Variants in DPP8 observed in about 807,000 individuals in gnomAD.
DPP8 encodes DPP VIII.
DPP8 carries 31 observed loss-of-function variants against 107.5 expected under a neutral mutation model. The ratio of observed to expected loss-of-function variants is 0.29; its 90% CI spans 0.22 to 0.39. The LOEUF is 0.39. Ranked by LOEUF, DPP8 falls within the 10% of genes least tolerant of loss-of-function variation. DPP8 has a pLI of 1.00. For missense variants in DPP8, 842 were observed against 1,076.1 expected, an observed-to-expected ratio of 0.78 and a Z score of 3.04; for synonymous variants, 381 against 356.6, an observed-to-expected ratio of 1.07 and a Z score of -0.77.
chr15:65,500,021 G>T (rs771139580), intron 4 of DPP8, among the ~76,000 whole-genome samples: 1 of 152,140 alleles, frequency 6.6e-6, no homozygotes, highest in Non-Finnish European at 1.5e-5. Context: ...TCAGACTCCT[G>T]AGTATCTGGG....
chr15:65,479,082 T>C, intron 10 of DPP8, 43 bp from the exon 11 acceptor site: 1 of 1,342,466 alleles, frequency 7.4e-7, no homozygotes, highest in Non-Finnish European at 1.0e-6. Flanking sequence ...ATTATGAAAA[T>C]ACTACATAAT....
At chr15:65,456,804 A>G (rs749723604) in intron 15 of DPP8, among the ~76,000 whole-genome samples, 1 of 152,126 alleles carries the variant, frequency 6.6e-6, no homozygotes, top group African/African-American at 2.4e-5. Flanking sequence ...ATAAGTCTAC[A>G]TGGCCCTTGA....
intron 19 of DPP8, 146 bp downstream of exon 19, chr15:65,450,853 C>A: frequency 1.8e-6 from 1 of 561,870 alleles, no homozygotes. Context: ...CAACTACAGG[C>A]ACTACTAAAT....
intron 1 of DPP8, chr15:65,512,844 C>A (rs1432354148): frequency 8.2e-6 from 3 of 367,832 alleles, no homozygotes; most frequent in Admixed American, 4.3e-5. Context: ...GTATTTCTTG[C>A]CAAAACTCCC....
rs1427133484 is a variant in DPP8 at position 65,446,308 on chromosome 15, T to C, written c.*576A>G. 2 of 152,452 alleles carry C rather than the reference T, an allele frequency of 1.3e-5. No individual in the cohort carries two copies. Among genetic ancestry groups the C allele is most frequent in the Non-Finnish European group, 2.9e-5 (2 of 68,020 alleles). 9.4% of individuals were successfully genotyped at this position (152,452 alleles called of 1,614,324 possible). On this transcript the variant is annotated 3_prime_UTR_variant, in exon 20 of 20. Transcript: ENST00000300141. ...ACTGGTCAGTGCCAAAACAAGTGTCTTTAGGAGGCCACTAAGTTATCCTTG... is the reference window on the plus strand; with the variant it reads ...ACTGGTCAGTGCCAAAACAAGTGTCCTTAGGAGGCCACTAAGTTATCCTTG...
At chr15:65,456,129 GC>G in intron 16 of DPP8, 95 bp downstream of exon 16, 1 of 1,376,540 alleles carries the variant, frequency 7.3e-7, no homozygotes, top group Non-Finnish European at 9.9e-7. Flanking sequence ...CTCATTCATA[GC>G]CCCTTCCCCC....
At chr15:65,512,165 G>A in intron 2 of DPP8, 130 bp downstream of exon 2, 3 of 910,818 alleles carry the variant, frequency 3.3e-6, no homozygotes, top group East Asian at 5.2e-5. Flanking sequence ...TCAAATTATA[G>A]GCTTTTCTTT....
intron 15 of DPP8, 147 bp from the exon 16 acceptor site, chr15:65,456,518 C>A: frequency 1.2e-6 from 1 of 863,490 alleles, no homozygotes; most frequent in Non-Finnish European, 1.7e-6. Flanking sequence ...TTTAAATTAA[C>A]AAGTCTGTTT....
chr15:65,461,917 A>T (rs552456229), intron 15 of DPP8, among the ~76,000 whole-genome samples: 2,669 of 142,168 alleles, frequency 0.019, 29 homozygotes, highest in African/African-American at 0.034. Flanking sequence ...TTTTTTTTTT[A>T]AAGTTTACAA....
intron 2 of DPP8, among the ~76,000 whole-genome samples, chr15:65,510,979 G>C (rs1229191310): frequency 6.6e-6 from 1 of 152,192 alleles, no homozygotes; most frequent in Non-Finnish European, 1.5e-5. Flanking sequence ...GTGTATGCAT[G>C]GAGAAATAGA....
chr15:65,475,240 G>A, intron 11 of DPP8: 1 of 524,194 alleles, frequency 1.9e-6, no homozygotes, highest in Non-Finnish European at 3.5e-6. Flanking sequence ...GTAGTTAGTT[G>A]AGAGTATGAC....
intron 7 of DPP8, among the ~76,000 whole-genome samples, chr15:65,487,068 A>G (rs2067512818): frequency 6.6e-6 from 1 of 152,206 alleles, no homozygotes; most frequent in Admixed American, 6.5e-5. Flanking sequence ...TTACAATTGA[A>G]ATGCTGTAAG....
Position 65,444,348 on chromosome 15 carries a change from C to G in DPP8, c.*2536G>C, listed in dbSNP as rs1265358317. ...GTAACTATCCCTCTGGATGGTTGTT[C>G]AAGTGTACACATTTATCAAGTCTTT... On this transcript the variant is annotated 3_prime_UTR_variant, in exon 20 of 20. Coordinates refer to ENST00000300141, the MANE Select transcript of DPP8 (RefSeq NM_130434.5). The G allele has an allele frequency of 1.3e-5, 2 of 152,204 alleles. No individual in the cohort carries two copies. Among genetic ancestry groups the G allele is most frequent in the Non-Finnish European group, 2.9e-5 (2 of 68,038 alleles). The allele number at this position is 152,204 out of a possible 1,614,324, so 9.4% of individuals were successfully genotyped here.
intron 6 of DPP8, among the ~76,000 whole-genome samples, chr15:65,488,723 T>C (rs1449025321): frequency 1.3e-5 from 2 of 151,882 alleles, no homozygotes; most frequent in Non-Finnish European, 2.9e-5. Flanking sequence ...GTTTTATCTA[T>C]ACAGTATATG....
intron 16 of DPP8, chr15:65,455,596 A>C: frequency 1.5e-3 from 1,208 of 824,692 alleles, no homozygotes; most frequent in Non-Finnish European, 1.8e-3. Flanking sequence ...TAGGCCTGCC[A>C]GTGCACGCAA....
At chr15:65,465,566 A>G (rs2065273531) in intron 14 of DPP8, among the ~76,000 whole-genome samples, 1 of 139,432 alleles carries the variant, frequency 7.2e-6, no homozygotes, top group African/African-American at 2.8e-5. Flanking sequence ...AAACCAGTCC[A>G]TTCTTTTTTT....
chr15:65,500,840 A>C, intron 3 of DPP8, 61 bp from the exon 4 acceptor site: 1 of 1,269,446 alleles, frequency 7.9e-7, no homozygotes, highest in South Asian at 1.4e-5. Flanking sequence ...TGCTTTTAGC[A>C]CTGAAATCCT....
chr15:65,515,101 C>A (rs1300706882), intron 1 of DPP8, among the ~76,000 whole-genome samples: 2 of 152,158 alleles, frequency 1.3e-5, no homozygotes, highest in African/African-American at 4.8e-5. Context: ...GCCTCAGCCT[C>A]CTGAGCAGCT....
chr15:65,480,154 G>A (rs1471817669), intron 10 of DPP8, 68 bp downstream of exon 10: 29 of 1,393,806 alleles, frequency 2.1e-5, no homozygotes, highest in Non-Finnish European at 2.7e-5. Flanking sequence ...TTGATAGTTT[G>A]CTATATAACT....
Sources: allele counts gnomAD v4.1 joint callset (sites outside exome capture counted in the v4.1 genomes callset), GRCh38; gene constraint gnomAD v4.1.1; transcripts MANE v1.5; gene names NCBI Gene and HGNC (gene_info 2026-07-23, HGNC 2026-07-21).